Variants in DDC observed in about 807,000 individuals in gnomAD.
The protein encoded by DDC is aromatic-L-amino-acid decarboxylase.
In DDC, 43 loss-of-function variants were observed where a neutral mutation model predicts 60.0. The ratio of observed to expected loss-of-function variants is 0.72; its 90% CI spans 0.56 to 0.92. The LOEUF is 0.92. Among genes scored for constraint, DDC ranks in the 40% least tolerant of loss-of-function variants. The pLI is 0.00. For missense variants in DDC, 573 were observed against 620.2 expected (o/e 0.92, Z 0.81); for synonymous variants, 232 against 234.6 (o/e 0.99, Z 0.10).
At chr7:50,494,731 G>A (rs552300732) in intron 9 of DDC, among the ~76,000 whole-genome samples, 21 of 151,568 alleles carry the variant, frequency 1.4e-4, no homozygotes, top group Non-Finnish European at 1.9e-4. Flanking sequence ...GCATGATCTC[G>A]GCTCACTGCA....
chr7:50,558,622 A>C (rs532441143), intron 1 of DDC, among the ~76,000 whole-genome samples: 1 of 152,250 alleles, frequency 6.6e-6, no homozygotes, highest in Non-Finnish European at 1.5e-5. Flanking sequence ...CTGCCAGGCC[A>C]GTAGAGTTAT....
At chr7:50,552,035 A>C (rs1252007018) in intron 1 of DDC, among the ~76,000 whole-genome samples, 2 of 152,224 alleles carry the variant, frequency 1.3e-5, no homozygotes, top group Non-Finnish European at 2.9e-5. Flanking sequence ...GAATAAAAAA[A>C]CACAACAAGC....
chr7:50,487,124 C>A (rs958463671), intron 9 of DDC, among the ~76,000 whole-genome samples: 1 of 152,096 alleles, frequency 6.6e-6, no homozygotes, highest in Non-Finnish European at 1.5e-5. Flanking sequence ...TCAGATATGT[C>A]ATGTGGAAAT....
chr7:50,492,738 T>C, intron 9 of DDC: 8 of 1,415,390 alleles, frequency 5.7e-6, no homozygotes, highest in South Asian at 1.5e-5. Context: ...GTGTCCTGTG[T>C]CTCTTCCCTA....
intron 6 of DDC, among the ~76,000 whole-genome samples, chr7:50,525,650 G>A (rs1384269321): frequency 2.0e-5 from 3 of 152,052 alleles, no homozygotes; most frequent in Non-Finnish European, 4.4e-5. Flanking sequence ...TGTAATCCCA[G>A]CTACTTGGGA....
At chr7:50,532,335 G>A (rs567128307) in intron 4 of DDC, among the ~76,000 whole-genome samples, 1 of 152,326 alleles carries the variant, frequency 6.6e-6, no homozygotes, top group African/African-American at 2.4e-5. Context: ...GAGATGCCAG[G>A]AATATTCCTA....
Position 50,529,406 on chromosome 7 carries a change from T to C in DDC, c.436-64A>G, listed in dbSNP as rs1293001596. 5 of 1,573,806 alleles carry C rather than the reference T, an allele frequency of 3.2e-6. No homozygotes were observed. In the Admixed American group the frequency reaches 6.7e-5, roughly 21 times the overall value. ...AGCGAAGGCATTGGTACCTACACTA[T>C]TGGAAGACATATTGTTTTGTGTCCA... is the stretch of plus-strand genomic sequence containing the variant. On this transcript the variant is annotated intron_variant, in intron 4 of 14. Transcript: ENST00000444124.
At chr7:50,559,812 T>C (rs2045298362) in intron 1 of DDC, among the ~76,000 whole-genome samples, 1 of 152,206 alleles carries the variant, frequency 6.6e-6, no homozygotes. Flanking sequence ...AAGTTGAGTG[T>C]CTGAAAGTAA....
At chr7:50,514,304 C>T (rs1282117713) in intron 6 of DDC, among the ~76,000 whole-genome samples, 1 of 152,164 alleles carries the variant, frequency 6.6e-6, no homozygotes, top group Non-Finnish European at 1.5e-5. Flanking sequence ...AGGGAACACC[C>T]TGTGGGACAA....
intron 2 of DDC, chr7:50,542,936 A>G (rs999878682): frequency 1.3e-5 from 2 of 152,240 alleles, no homozygotes; most frequent in African/African-American, 4.8e-5. Flanking sequence ...TTATGCCTTC[A>G]CAGGGCCTTG....
intron 2 of DDC, chr7:50,543,409 T>C (rs2044698362): frequency 4.3e-6 from 1 of 234,876 alleles, no homozygotes. Flanking sequence ...GCTGCCTTGG[T>C]GGGCAGCACC....
chr7:50,531,010 A>G (rs1193394995), intron 4 of DDC, among the ~76,000 whole-genome samples: 3 of 152,310 alleles, frequency 2.0e-5, no homozygotes, highest in Non-Finnish European at 2.9e-5. Flanking sequence ...AAAGATAAAT[A>G]CATTTATTCA....
intron 1 of DDC, among the ~76,000 whole-genome samples, chr7:50,562,431 T>A (rs564116697): frequency 6.6e-6 from 1 of 151,916 alleles, no homozygotes; most frequent in East Asian, 1.9e-4. Context: ...AGGTGGCTCA[T>A]CCCCCCAAAC....
At chr7:50,509,611 T>A (rs2043493907) in intron 6 of DDC, among the ~76,000 whole-genome samples, 1 of 152,208 alleles carries the variant, frequency 6.6e-6, no homozygotes, top group Non-Finnish European at 1.5e-5. Flanking sequence ...GACACTCTAG[T>A]AAATAAACTC....
rs2043407947 is a variant in DDC, at chr7:50,506,696, A to G, written c.715-2637T>C. Among the ~76,000 whole-genome samples, 3 of 152,242 alleles carry G rather than the reference A, an allele frequency of 2.0e-5. No homozygotes were observed. In the South Asian group the frequency reaches 6.2e-4, roughly 31 times the overall value. On this transcript the variant is annotated intron_variant, in intron 6 of 14. Coordinates refer to ENST00000444124, the MANE Select transcript of DDC (RefSeq NM_001082971.2). ...TGTGGGGCACAGAGACCTGGGCTGG[A>G]GGCCCAACTCCATGTCACATTGGCA... is the stretch of plus-strand genomic sequence containing the variant.
At chr7:50,487,683 A>T (rs1181657319) in intron 9 of DDC, among the ~76,000 whole-genome samples, 1 of 152,132 alleles carries the variant, frequency 6.6e-6, no homozygotes. Context: ...TGGCTTAAAA[A>T]TAAAGGAGTA....
chr7:50,460,204 C>G (rs1487910728), intron 14 of DDC, among the ~76,000 whole-genome samples: 2 of 146,148 alleles, frequency 1.4e-5, no homozygotes, highest in Non-Finnish European at 1.5e-5. Flanking sequence ...AGCCCCTGGC[C>G]CGGCCAGCCG....
intron 9 of DDC, among the ~76,000 whole-genome samples, chr7:50,487,153 A>G (rs977274746): frequency 6.6e-6 from 1 of 152,230 alleles, no homozygotes; most frequent in Admixed American, 6.5e-5. Flanking sequence ...GCTACCAATT[A>G]TATGAAAGAG....
At chr7:50,499,584 A>C (rs1439976190) in intron 7 of DDC, among the ~76,000 whole-genome samples, 3 of 151,846 alleles carry the variant, frequency 2.0e-5, no homozygotes, top group Non-Finnish European at 4.4e-5. Context: ...CTTTCCACCC[A>C]CCTGGAATTC....
Sources: gnomAD v4.1 joint callset for allele counts (sites outside exome capture counted in the v4.1 genomes callset) on GRCh38, gnomAD v4.1.1 for gene constraint, MANE v1.5 for transcripts, NCBI Gene and HGNC (gene_info 2026-07-23, HGNC 2026-07-21) for gene names.